OGDH: variants seen among roughly 807,000 people sequenced by gnomAD.
OGDH encodes the protein 2-oxoglutarate dehydrogenase complex component E1.
Under a neutral mutation model 116.6 loss-of-function variants are expected in OGDH, and 38 were observed. That is an observed-to-expected ratio of 0.33 (90% CI 0.25 to 0.43). OGDH has a LOEUF of 0.43. Among genes scored for constraint, OGDH ranks in the 20% least tolerant of loss-of-function variants. The pLI, the probability that OGDH is intolerant of heterozygous loss-of-function variation, is 1.00. For synonymous variants in OGDH, 488 were observed against 533.3 expected (o/e 0.92, Z 1.17); for missense variants, 825 against 1,357.2 (o/e 0.61, Z 6.16).
intron 4 of OGDH, among the ~76,000 whole-genome samples, chr7:44,654,883 A>G (rs2115905644): frequency 6.6e-6 from 1 of 152,216 alleles, no homozygotes; most frequent in East Asian, 1.9e-4. Context: ...CAGCACCTGC[A>G]CTCTTCAAGA....
At position 44,705,806 on chromosome 7, in the gene OGDH, T is replaced by C. The variant is rs12531182; in HGVS notation, c.2633-1419T>C. ...ACAACTGGTTTTGGTTACGTGCATA[T>C]GATGCGTAGTGCTTAAGTCAGGGTA... On this transcript the variant is annotated intron_variant, in intron 20 of 22. Coordinates refer to ENST00000222673, the MANE Select transcript of OGDH (RefSeq NM_002541.4). 5.8e-3 allele frequency among the ~76,000 whole-genome samples: 885 copies of C among 152,348 alleles called. 6 individuals are homozygous for C. The highest frequency in any genetic ancestry group is 0.01 in the Admixed American group (155 of 15,294).
At chr7:44,612,864 T>TC (rs1784618661) in intron 1 of OGDH, among the ~76,000 whole-genome samples, 1 of 150,588 alleles carries the variant, frequency 6.6e-6, no homozygotes, top group Non-Finnish European at 1.5e-5. Flanking sequence ...CCTGGCTGTT[T>TC]TTTTTCTTTT....
chr7:44,664,989 C>A (rs967298394), intron 4 of OGDH, among the ~76,000 whole-genome samples: 2 of 152,194 alleles, frequency 1.3e-5, no homozygotes, highest in Non-Finnish European at 2.9e-5. Flanking sequence ...ATACACTGGA[C>A]CGATATAGTT....
chr7:44,689,392 C>CTTTTTTTT (rs561058807), intron 10 of OGDH, among the ~76,000 whole-genome samples: 12 of 71,264 alleles, frequency 1.7e-4, no homozygotes, highest in South Asian at 5.3e-4. Context: ...ATTTTTTTTT[C>CTTTTTTTT]TTTTTTTTTT....
At chr7:44,682,268 C>T (rs1388411364) in intron 10 of OGDH, among the ~76,000 whole-genome samples, 1 of 151,846 alleles carries the variant, frequency 6.6e-6, no homozygotes, top group Admixed American at 6.6e-5. Context: ...GCCTGTGATC[C>T]CAGCTGCTTG....
chr7:44,645,176 AACAG>A (rs1786113890), intron 2 of OGDH, 147 bp from the exon 3 acceptor site: 5 of 670,256 alleles, frequency 7.5e-6, no homozygotes, highest in Non-Finnish European at 1.3e-5. Flanking sequence ...ACCGTTTGGG[AACAG>A]ACAGAGACCC....
chr7:44,624,178 GTT>G (rs1369131160), intron 1 of OGDH, 137 bp from the exon 2 acceptor site: 1 of 621,838 alleles, frequency 1.6e-6, no homozygotes, highest in South Asian at 2.0e-5. Flanking sequence ...AACATGTTTT[GTT>G]TTTGTTTTTG....
In OGDH at chr7:44,694,861, T is replaced by C. The variant is rs539150504; in HGVS notation, c.1668+285T>C. On this transcript the variant is annotated intron_variant, in intron 12 of 22. Coordinates refer to ENST00000222673, the MANE Select transcript of OGDH (RefSeq NM_002541.4). This position sits in a 1 kb window ranked among gnomAD's most constrained non-coding sequence, Gnocchi z 4.2. ...AGTAGGTTTTCTCAGATTTCACAAA[T>C]TGTGCATGGTTGAGAGGTGGGTGGT... 6.6e-6 allele frequency among the ~76,000 whole-genome samples: 1 copy of C among 152,250 alleles called. No homozygotes were observed. Among genetic ancestry groups the C allele is most frequent in the African/African-American group, 2.4e-5 (1 of 41,568 alleles).
At chr7:44,640,945 G>A (rs903671606) in intron 2 of OGDH, among the ~76,000 whole-genome samples, 1 of 150,912 alleles carries the variant, frequency 6.6e-6, no homozygotes, top group African/African-American at 2.4e-5. Flanking sequence ...CCAAACTGGA[G>A]TGCAATGGCA....
chr7:44,657,705 T>C (rs1019433624), intron 4 of OGDH, among the ~76,000 whole-genome samples: 4 of 152,224 alleles, frequency 2.6e-5, no homozygotes, highest in African/African-American at 9.6e-5. Context: ...ACTCTTTCCT[T>C]AGCCCTAGAT....
At chr7:44,622,531 A>G (rs1785044505) in intron 1 of OGDH, among the ~76,000 whole-genome samples, 1 of 152,124 alleles carries the variant, frequency 6.6e-6, no homozygotes, top group South Asian at 2.1e-4. Context: ...GGAGCAGGCC[A>G]GAGGTGAATG....
intron 10 of OGDH, among the ~76,000 whole-genome samples, chr7:44,685,147 AGTGAACAG>A (rs1788075926): frequency 6.6e-6 from 1 of 152,150 alleles, no homozygotes; most frequent in Non-Finnish European, 1.5e-5. Flanking sequence ...ACTATTTTTA[AGTGAACAG>A]TTTAGTGGTA....
Position 44,665,393 on chromosome 7 carries a change from CA to C in OGDH, c.518-1335del, listed in dbSNP as rs112693883. Among the ~76,000 whole-genome samples, 123 of 146,338 alleles carry C rather than the reference CA, an allele frequency of 8.4e-4. 2 individuals are homozygous for C. Among genetic ancestry groups the C allele is most frequent in the African/African-American group, 2.9e-3 (115 of 39,304 alleles). On this transcript the variant is annotated intron_variant, in intron 4 of 22. Coordinates refer to ENST00000222673, the MANE Select transcript of OGDH (RefSeq NM_002541.4). The stretch of plus-strand genomic sequence containing the variant: ...GACTTAAAAAACAAAACAAAACAAA[CA>C]AAAAAAACCTCTCCGAAAGCATTAG...
At chr7:44,687,124 G>T (rs1788166792) in intron 10 of OGDH, among the ~76,000 whole-genome samples, 1 of 127,286 alleles carries the variant, frequency 7.9e-6, no homozygotes, top group Non-Finnish European at 1.6e-5. Context: ...CTGAGATGGA[G>T]TCTGGCTCTG....
At chr7:44,699,247 G>A (rs1788719358) in intron 18 of OGDH, among the ~76,000 whole-genome samples, 1 of 152,024 alleles carries the variant, frequency 6.6e-6, no homozygotes, top group South Asian at 2.1e-4. Context: ...CCAATATAGT[G>A]AAACCCCGTC....
intron 10 of OGDH, among the ~76,000 whole-genome samples, chr7:44,686,856 T>A (rs915577994): frequency 2.0e-5 from 3 of 151,106 alleles, no homozygotes; most frequent in Non-Finnish European, 4.4e-5. Flanking sequence ...CCCAGCTAAT[T>A]TTTGTATTTT....
chr7:44,639,819 G>A (rs1228710203), intron 2 of OGDH, among the ~76,000 whole-genome samples: 1 of 152,214 alleles, frequency 6.6e-6, no homozygotes, highest in Admixed American at 6.5e-5. Flanking sequence ...GGTGTAAGAT[G>A]AATAAGGGAA....
At chr7:44,636,642 A>C (rs998268540) in intron 2 of OGDH, among the ~76,000 whole-genome samples, 2 of 152,232 alleles carry the variant, frequency 1.3e-5, no homozygotes, top group African/African-American at 4.8e-5. Context: ...TAGCCTTTCA[A>C]GAGCTTCCTT....
rs111830281 is a variant in OGDH at position 44,706,323 on chromosome 7, ATT to A, written c.2633-888_2633-887del. Among the ~76,000 whole-genome samples, 331 of 142,470 alleles carry A rather than the reference ATT, an allele frequency of 2.3e-3. 3 individuals are homozygous for A. The highest frequency in any genetic ancestry group is 7.8e-3 in the African/African-American group (305 of 39,216). The allele number at this position is 142,470 out of a possible 152,430, so 93.5% of individuals were successfully genotyped here. On this transcript the variant is annotated intron_variant, in intron 20 of 22. Transcript: ENST00000222673. ...GTAAACATGGGATTTTTTTTATATA[ATT>A]TTTTTTTTTTTTTGAGATGGAGTTT...
Sources: allele counts gnomAD v4.1 joint callset (sites outside exome capture counted in the v4.1 genomes callset), GRCh38; gene constraint gnomAD v4.1.1; non-coding constraint Gnocchi (gnomAD v3.1); transcripts MANE v1.5; gene names NCBI Gene and HGNC (gene_info 2026-07-23, HGNC 2026-07-21).